Variants in UPRT observed in about 807,000 individuals in gnomAD.
UPRT encodes uracil phosphoribosyltransferase homolog.
A neutral mutation model predicts 22.6 loss-of-function variants in UPRT; 5 were observed. The ratio of observed to expected loss-of-function variants is 0.22; its 90% CI spans 0.12 to 0.47. UPRT has a LOEUF of 0.47. UPRT is among the 20% of genes least tolerant of loss of function. UPRT has a pLI of 0.99. For synonymous variants in UPRT, 77 were observed against 87.7 expected (o/e 0.88, Z 0.68); for missense variants, 181 against 239.9 (o/e 0.75, Z 1.62).
chrX:75,236,223 G>A (rs186309737), intron 4 of UPRT, among the ~76,000 whole-genome samples: 12 of 111,039 alleles, frequency 1.1e-4, no homozygotes, highest in African/African-American at 3.0e-4. Context: ...ATAAAATACC[G>A]AGGAATCCAA....
At chrX:75,167,408 G>A (rs6647650) in intron 3 of UPRT, among the ~76,000 whole-genome samples, 2 of 111,238 alleles carry the variant, frequency 1.8e-5, no homozygotes, top group African/African-American at 6.5e-5. Context: ...AGCATGAATT[G>A]TACGACTTCA....
intron 4 of UPRT, among the ~76,000 whole-genome samples, chrX:75,262,324 G>C (rs2082571375): frequency 9.0e-6 from 1 of 111,315 alleles, no homozygotes; most frequent in Non-Finnish European, 1.9e-5. Flanking sequence ...AGCCACTGCA[G>C]CAACATACCA....
chrX:75,253,089 G>A (rs1202369373), intron 4 of UPRT, among the ~76,000 whole-genome samples: 1 of 111,066 alleles, frequency 9.0e-6, no homozygotes, highest in East Asian at 2.8e-4. Context: ...TATACCTAAT[G>A]CTAAATGATG....
intron 4 of UPRT, among the ~76,000 whole-genome samples, chrX:75,195,057 T>C (rs1236553477): frequency 9.1e-6 from 1 of 110,370 alleles, no homozygotes; most frequent in African/African-American, 3.3e-5. Flanking sequence ...AGGGGGAAAG[T>C]TTCACCCCCC....
intron 4 of UPRT, among the ~76,000 whole-genome samples, chrX:75,244,877 T>C (rs1004114895): frequency 3.6e-5 from 4 of 111,371 alleles, no homozygotes; most frequent in Non-Finnish European, 7.5e-5. Flanking sequence ...AAATATTTCA[T>C]GATGAAGACA....
intron 4 of UPRT, among the ~76,000 whole-genome samples, chrX:75,181,111 G>C (rs2082268939): frequency 9.0e-6 from 1 of 110,867 alleles, no homozygotes; most frequent in South Asian, 3.8e-4. Flanking sequence ...TGAATAGGGA[G>C]TCCTTTCCCT....
rs2082620906 is a variant in UPRT, at chrX:75,274,198, C to T, written c.-57C>T. The T allele has an allele frequency of 9.5e-6, 11 of 1,155,592 alleles. No homozygotes were observed. The highest frequency in any genetic ancestry group is 1.3e-5 in the Non-Finnish European group (11 of 866,725). On this transcript the variant is annotated 5_prime_UTR_variant, in exon 1 of 7. Coordinates refer to ENST00000373383, the MANE Select transcript of UPRT (RefSeq NM_145052.4). ...GCACGTGAGCATCTGTCCTTTCTAC[C>T]CGTTCCTCTTTATCTTTAGTGTTCA... is the stretch of plus-strand genomic sequence containing the variant.
chrX:75,261,165 T>C (rs929610226), intron 4 of UPRT, among the ~76,000 whole-genome samples: 1 of 111,325 alleles, frequency 9.0e-6, no homozygotes, highest in Non-Finnish European at 1.9e-5. Context: ...AGATCCAAAA[T>C]TGACACCCTA....
intron 4 of UPRT, among the ~76,000 whole-genome samples, chrX:75,233,520 G>T (rs372583454): frequency 0.024 from 2,646 of 110,172 alleles, 37 homozygotes; most frequent in Non-Finnish European, 0.038. Flanking sequence ...GAAAAAATGT[G>T]AAGGGCAGCC....
intron 1 of UPRT, chrX:75,291,428 TA>T: frequency 3.1e-6 from 1 of 325,153 alleles, no homozygotes. Context: ...GGTTATGATT[TA>T]AAATGAAGTG....
chrX:75,272,319 T>TATATAC (rs369391024), upstream of UPRT, among the ~76,000 whole-genome samples: 3,324 of 88,070 alleles, frequency 0.038, 213 homozygotes, highest in African/African-American at 0.1. Context: ...TGTGTATATA[T>TATATAC]ACATATATAT....
intron 4 of UPRT, among the ~76,000 whole-genome samples, chrX:75,266,735 C>G (rs1003233665): frequency 8.1e-5 from 9 of 110,725 alleles, no homozygotes; most frequent in Admixed American, 3.8e-4. Flanking sequence ...AACCGAAACA[C>G]ATTTAGAATT....
chrX:75,245,055 T>TA (rs758226785), intron 4 of UPRT, among the ~76,000 whole-genome samples: 52 of 109,328 alleles, frequency 4.8e-4, no homozygotes, highest in African/African-American at 1.1e-3. Flanking sequence ...CAGAATCTAT[T>TA]AAAAAAAACT....
chrX:75,249,639 TAGAC>T (rs1313230960), intron 4 of UPRT, among the ~76,000 whole-genome samples: 2 of 110,679 alleles, frequency 1.8e-5, no homozygotes, highest in African/African-American at 3.3e-5. Context: ...CTGTCAACAT[TAGAC>T]AGATCTGTGA....
At chrX:75,248,261 G>T (rs1443332457) in intron 4 of UPRT, among the ~76,000 whole-genome samples, 3 of 111,499 alleles carry the variant, frequency 2.7e-5, no homozygotes, top group Admixed American at 9.6e-5. Context: ...AAACTACTCC[G>T]AGCTAAAGGA....
At chrX:75,184,788 T>C (rs925310619) in intron 4 of UPRT, among the ~76,000 whole-genome samples, 4 of 111,360 alleles carry the variant, frequency 3.6e-5, no homozygotes, top group African/African-American at 9.8e-5. Flanking sequence ...TTTGAAGCAA[T>C]TGTGAATGGA....
chrX:75,229,920 T>C (rs1038796755), intron 4 of UPRT, among the ~76,000 whole-genome samples: 1 of 112,054 alleles, frequency 8.9e-6, no homozygotes, highest in Admixed American at 9.4e-5. Context: ...GAAGTGCAGA[T>C]ATGAGTGCAG....
At chrX:75,246,849 A>T (rs962514651) in intron 4 of UPRT, among the ~76,000 whole-genome samples, 1 of 111,499 alleles carries the variant, frequency 9.0e-6, no homozygotes, top group Admixed American at 9.5e-5. Flanking sequence ...TTCTCTGATG[A>T]TCAGTGATGA....
intron 1 of UPRT, among the ~76,000 whole-genome samples, chrX:75,274,975 G>A (rs746655471): frequency 9.1e-6 from 1 of 110,353 alleles, no homozygotes; most frequent in Admixed American, 9.7e-5. Context: ...TATACTATGT[G>A]GGCAGTGCTT....
Sources: allele counts gnomAD v4.1 joint callset (sites outside exome capture counted in the v4.1 genomes callset), GRCh38; gene constraint gnomAD v4.1.1; transcripts MANE v1.5; gene names NCBI Gene and HGNC (gene_info 2026-07-23, HGNC 2026-07-21).